Variants in PIEZO2 observed in about 807,000 individuals in gnomAD.
The protein encoded by PIEZO2 is piezo type mechanosensitive ion channel component 2, also known as piezo-type mechanosensitive ion channel component 2.
PIEZO2 carries 172 observed loss-of-function variants against 337.3 expected under a neutral mutation model. The ratio of observed to expected loss-of-function variants is 0.51; its 90% CI spans 0.45 to 0.58. PIEZO2 has a LOEUF of 0.58. PIEZO2 is among the 20% of genes least tolerant of loss of function. The pLI is 0.00. For synonymous variants in PIEZO2, 1,251 were observed against 1,228.5 expected, an observed-to-expected ratio of 1.02 and a Z score of -0.38; for missense variants, 3,028 against 3,391.3, an observed-to-expected ratio of 0.89 and a Z score of 2.66.
chr18:10,728,832 G>C (rs2036643022), intron 36 of PIEZO2, among the ~76,000 whole-genome samples: 1 of 151,798 alleles, frequency 6.6e-6, no homozygotes, highest in African/African-American at 2.4e-5. Flanking sequence ...GCGGGCGCCT[G>C]TAGTCCCAGC....
At chr18:10,826,047 A>G (rs1195407443) in intron 7 of PIEZO2, among the ~76,000 whole-genome samples, 1 of 152,190 alleles carries the variant, frequency 6.6e-6, no homozygotes, top group African/African-American at 2.4e-5. Flanking sequence ...TTTTACTCCA[A>G]TACAACTTTA....
At chr18:10,896,190 C>T (rs2042897248) in intron 4 of PIEZO2, among the ~76,000 whole-genome samples, 1 of 152,082 alleles carries the variant, frequency 6.6e-6, no homozygotes, top group Non-Finnish European at 1.5e-5. Context: ...CCCTTCAGAC[C>T]ATGGGTCCTA....
chr18:11,092,793 G>A lies in PIEZO2; in HGVS notation c.65-26571C>T, dbSNP rs1223573586. 2.0e-5 allele frequency among the ~76,000 whole-genome samples: 3 copies of A among 152,188 alleles called. No homozygotes were observed. The highest frequency in any genetic ancestry group is 1.3e-4 in the Admixed American group (2 of 15,278). On this transcript the variant is annotated intron_variant, in intron 1 of 55. Transcript: ENST00000674853. The surrounding 1 kb of genome is among the most constrained non-coding windows in gnomAD (Gnocchi z 4.5). ...TGGGGTCGGAACTGAGAACATTTAT[G>A]GCATGAGGACCTTCTGTGGCCCCCT...
rs2035079936 is a variant in PIEZO2 at position 10,696,299 on chromosome 18, G to C, written c.6976-11C>G. The C allele has an allele frequency of 6.2e-7, 1 of 1,613,804 alleles. No homozygotes were observed. ...AGCTGCTGAGTGTTTCTGGGGAAGA[G>C]ACAACAAATTCATGCCCAAGAGAGG... On this transcript the variant is annotated splice_polypyrimidine_tract_variant and intron_variant, in intron 46 of 55. Coordinates refer to ENST00000674853, the MANE Select transcript of PIEZO2 (RefSeq NM_001378183.1).
intron 4 of PIEZO2, chr18:10,890,793 C>T (rs187402403): frequency 2.6e-5 from 4 of 151,560 alleles, no homozygotes; most frequent in Non-Finnish European, 5.9e-5. Context: ...TTCTAATTCG[C>T]TTCTGAGCTT....
intron 1 of PIEZO2, among the ~76,000 whole-genome samples, chr18:11,093,682 G>A (rs1357046202): frequency 1.4e-5 from 2 of 146,874 alleles, no homozygotes; most frequent in African/African-American, 2.5e-5. Flanking sequence ...CGCCTCCCGG[G>A]TTCAGGCCAT....
chr18:10,738,881 T>C (rs556777745), intron 33 of PIEZO2: 2 of 152,342 alleles, frequency 1.3e-5, no homozygotes, highest in South Asian at 2.1e-4. Context: ...TACATAGGTA[T>C]GGAAGTAGGA....
At chr18:10,799,997 T>C (rs7241715) in intron 11 of PIEZO2, among the ~76,000 whole-genome samples, 122,340 of 150,284 alleles carry the variant, frequency 0.81, 49,878 homozygotes, top group East Asian at 0.94. Flanking sequence ...AAAATTCATA[T>C]ATTAACCAGG....
At chr18:11,081,464 T>A (rs1377298483) in intron 1 of PIEZO2, among the ~76,000 whole-genome samples, 2 of 152,188 alleles carry the variant, frequency 1.3e-5, no homozygotes, top group African/African-American at 4.8e-5. Context: ...TTCACAAAAA[T>A]GGAACTAAAC....
At chr18:10,923,124 G>T (rs2031526856) in intron 3 of PIEZO2, among the ~76,000 whole-genome samples, 2 of 152,116 alleles carry the variant, frequency 1.3e-5, no homozygotes, top group African/African-American at 4.8e-5. Flanking sequence ...ATGAATAGGA[G>T]TTTCCTGCAC....
At chr18:10,972,066 G>A (rs2034258853) in intron 3 of PIEZO2, among the ~76,000 whole-genome samples, 1 of 151,624 alleles carries the variant, frequency 6.6e-6, no homozygotes, top group Non-Finnish European at 1.5e-5. Flanking sequence ...GCCGAGGTGG[G>A]TAGATCACTT....
At chr18:11,012,798 C>G (rs970660272) in intron 2 of PIEZO2, among the ~76,000 whole-genome samples, 3 of 152,158 alleles carry the variant, frequency 2.0e-5, no homozygotes, top group African/African-American at 7.2e-5. Context: ...AATTCCAATA[C>G]TTTGGGAGAG....
intron 49 of PIEZO2, among the ~76,000 whole-genome samples, chr18:10,683,508 C>T (rs1172995564): frequency 6.6e-6 from 1 of 152,232 alleles, no homozygotes; most frequent in East Asian, 1.9e-4. Context: ...GCATTTGATA[C>T]TGTTGACTAT....
At chr18:10,845,106 T>C (rs2041314215) in intron 7 of PIEZO2, among the ~76,000 whole-genome samples, 2 of 152,124 alleles carry the variant, frequency 1.3e-5, no homozygotes, top group African/African-American at 4.8e-5. Flanking sequence ...TCTTAATACA[T>C]ACCAGACACC....
chr18:11,119,147 CTTTTTTT>C (rs58414095), intron 1 of PIEZO2, among the ~76,000 whole-genome samples: 1 of 131,250 alleles, frequency 7.6e-6, no homozygotes. Context: ...CAAATATTTG[CTTTTTTT>C]TTTTTTTTTT....
chr18:10,886,487 C>CATATATATATATAATGTGTGTATATATAT lies in PIEZO2; in HGVS notation c.330-15073_330-15072insATATATATACACACATTATATATATATAT. 1.7e-4 allele frequency among the ~76,000 whole-genome samples: 8 copies of CATATATATATATAATGTGTGTATATATAT among 45,882 alleles called. 1 individual carries two copies. The highest frequency in any genetic ancestry group is 1.4e-4 in the African/African-American group (1 of 6,938). 30.1% of individuals were successfully genotyped at this position (45,882 alleles called of 152,430 possible). ...TTTGGGTGGGGACAAATATCCAAAC[C>CATATATATATATAATGTGTGTATATATAT]ATATATATATACGCATATACACATT... is the stretch of plus-strand genomic sequence containing the variant. On this transcript the variant is annotated intron_variant, in intron 4 of 55. Transcript: ENST00000674853.
intron 47 of PIEZO2, among the ~76,000 whole-genome samples, chr18:10,693,373 T>C (rs906982848): frequency 2.0e-5 from 3 of 151,796 alleles, no homozygotes; most frequent in Non-Finnish European, 4.4e-5. Flanking sequence ...TGTGTGTGTG[T>C]GTGTGTGTGT....
In PIEZO2 at chr18:10,784,921, A is replaced by C. The variant is rs1338114847; in HGVS notation, c.2355T>G (p.Ala785=). The change falls in exon 17 of 56, where the codon GCT becomes GCG. Residue 785 remains alanine (A), a synonymous_variant. Coordinates refer to ENST00000674853, the MANE Select transcript of PIEZO2 (RefSeq NM_001378183.1). The surrounding 1 kb of genome is among the most constrained non-coding windows in gnomAD (Gnocchi z 4.5). ...GGATGAATATGCGAGTGAATAGTTC[A>C]GCCACAGTAAACTGCTTTAAGCCAA... The part of the protein sequence containing the change: ...EDLGLKQFTV[A]ELFTRIFIPT... 2 of 1,537,228 alleles carry C rather than the reference A, an allele frequency of 1.3e-6. No individual in the cohort carries two copies. Among genetic ancestry groups the C allele is most frequent in the South Asian group, 2.4e-5 (2 of 84,054 alleles).
chr18:10,854,126 G>T lies in PIEZO2; in HGVS notation c.917+1227C>A, dbSNP rs921110378. 1.3e-5 allele frequency among the ~76,000 whole-genome samples: 2 copies of T among 151,832 alleles called. No individual in the cohort carries two copies. The highest frequency in any genetic ancestry group is 2.9e-5 in the Non-Finnish European group (2 of 67,946). On this transcript the variant is annotated intron_variant, in intron 7 of 55. Coordinates refer to ENST00000674853, the MANE Select transcript of PIEZO2 (RefSeq NM_001378183.1). This position sits in a 1 kb window ranked among gnomAD's most constrained non-coding sequence, Gnocchi z 4.6. ...CAGAATCCACATTTTGAATTCTTTT[G>T]ATTGTTTTTCTTGTGGAGCTATTTA...
Sources: gnomAD v4.1 joint callset for allele counts (sites outside exome capture counted in the v4.1 genomes callset) on GRCh38, gnomAD v4.1.1 for gene constraint, Gnocchi (gnomAD v3.1) non-coding constraint, MANE v1.5 for transcripts, NCBI Gene and HGNC (gene_info 2026-07-23, HGNC 2026-07-21) for gene names.